Variants in ADAMTSL3 observed in about 807,000 individuals in gnomAD.
ADAMTSL3 encodes ADAMTS like 3.
Under a neutral mutation model 201.7 loss-of-function variants are expected in ADAMTSL3, and 128 were observed. The ratio of observed to expected loss-of-function variants is 0.63; its 90% CI spans 0.55 to 0.73. ADAMTSL3 has a LOEUF of 0.73. Among genes scored for constraint, ADAMTSL3 ranks in the 30% least tolerant of loss-of-function variants. The probability of loss-of-function intolerance (pLI) is 0.00; values close to 1 mark genes in which losing one functional copy is unlikely to be tolerated. For synonymous variants in ADAMTSL3, 738 were observed against 748.4 expected (o/e 0.99, Z 0.23); for missense variants, 1,990 against 2,119.6 (o/e 0.94, Z 1.20).
intron 15 of ADAMTSL3, among the ~76,000 whole-genome samples, chr15:83,905,256 G>A (rs2065810110): frequency 6.6e-6 from 1 of 152,240 alleles, no homozygotes; most frequent in Non-Finnish European, 1.5e-5. Flanking sequence ...TGATGGTATT[G>A]TAAGGTTGCA....
chr15:83,727,149 AT>A (rs71156094), intron 3 of ADAMTSL3, among the ~76,000 whole-genome samples: 8 of 149,992 alleles, frequency 5.3e-5, no homozygotes, highest in Admixed American at 2.7e-4. Flanking sequence ...GAATTTATCC[AT>A]TTTTTTTTCT....
chr15:83,801,692 A>G lies in ADAMTSL3; in HGVS notation c.318-2958A>G, dbSNP rs981700291. Reference sequence around the variant, plus strand: ...TATATATATATATATATATATATATATATGTATGTATGAGGAAATCATAGA... The same window carrying G: ...TATATATATATATATATATATATATGTATGTATGTATGAGGAAATCATAGA... On this transcript the variant is annotated intron_variant, in intron 4 of 29. Coordinates refer to ENST00000286744, the MANE Select transcript of ADAMTSL3 (RefSeq NM_207517.3). Among the ~76,000 whole-genome samples the G allele has an allele frequency of 4.4e-3, 382 of 86,074 alleles. 2 individuals are homozygous for G. The highest frequency in any genetic ancestry group is 9.3e-3 in the African/African-American group (225 of 24,072). 56.5% of individuals were successfully genotyped at this position (86,074 alleles called of 152,430 possible).
Position 83,943,078 on chromosome 15 carries a change from C to A in ADAMTSL3, c.2486C>A (p.Ser829Ter). The A allele has an allele frequency of 2.5e-6, 4 of 1,608,462 alleles. No individual in the cohort carries two copies. In the South Asian group the frequency reaches 4.4e-5, roughly 18 times the overall value. ...CPPHLAVGDWSKCSVSCGVGI... is the reference protein window; with the variant it reads ...CPPHLAVGDW ...CCACATTTAGCTGTGGGAGACTGGTCGAAGGTAAGGGCCAGGCTCAACTTT... is the reference window on the plus strand; with the variant it reads ...CCACATTTAGCTGTGGGAGACTGGTAGAAGGTAAGGGCCAGGCTCAACTTT... The change falls in exon 19 of 30, where the codon TCG becomes TAG. Residue 829 changes from serine (S) to a stop codon, truncating the protein, a stop_gained. Coordinates refer to ENST00000286744, the MANE Select transcript of ADAMTSL3 (RefSeq NM_207517.3). LOFTEE classifies it high-confidence loss of function.
chr15:83,758,150 A>T (rs1345902406), intron 3 of ADAMTSL3, among the ~76,000 whole-genome samples: 3 of 152,168 alleles, frequency 2.0e-5, no homozygotes, highest in Non-Finnish European at 4.4e-5. Context: ...CCACTCTACC[A>T]GTACCAATTT....
intron 20 of ADAMTSL3, among the ~76,000 whole-genome samples, chr15:83,972,911 T>C (rs1596483554): frequency 6.6e-6 from 1 of 152,118 alleles, no homozygotes. Flanking sequence ...AGAGATGAGG[T>C]TGGCATTCTC....
At chr15:83,766,922 C>G (rs187240381) in intron 3 of ADAMTSL3, among the ~76,000 whole-genome samples, 1 of 152,240 alleles carries the variant, frequency 6.6e-6, no homozygotes, top group East Asian at 1.9e-4. Flanking sequence ...TGGTGAAACC[C>G]TGTCTCTACG....
In ADAMTSL3 at chr15:83,818,995, G is replaced by A. The variant is rs1314566533; in HGVS notation, c.364-816G>A. Among the ~76,000 whole-genome samples the A allele has an allele frequency of 2.6e-5, 4 of 152,196 alleles. 1 individual carries two copies. The highest frequency in any genetic ancestry group is 1.3e-4 in the Admixed American group (2 of 15,284). ...GATGAATTAAAAACAACGACAGGCC[G>A]GGCACTGTGGCTCACGCCTTTAATC... is the stretch of plus-strand genomic sequence containing the variant. On this transcript the variant is annotated intron_variant, in intron 5 of 29. Transcript: ENST00000286744.
At chr15:84,031,927 A>T (rs1228328100) in intron 28 of ADAMTSL3, among the ~76,000 whole-genome samples, 2 of 152,172 alleles carry the variant, frequency 1.3e-5, no homozygotes, top group African/African-American at 4.8e-5. Flanking sequence ...TCCTCCTTTT[A>T]TAAAAGTCTG....
At chr15:83,907,332 C>T (rs1368352571) in intron 15 of ADAMTSL3, among the ~76,000 whole-genome samples, 1 of 152,078 alleles carries the variant, frequency 6.6e-6, no homozygotes, top group East Asian at 1.9e-4. Flanking sequence ...TCATAAACAT[C>T]TAGAATGGTG....
At chr15:83,678,120 A>G (rs2061430728) in intron 2 of ADAMTSL3, among the ~76,000 whole-genome samples, 2 of 152,040 alleles carry the variant, frequency 1.3e-5, no homozygotes, top group Admixed American at 1.3e-4. Context: ...TCCTCAATAT[A>G]GTTTGAGCAC....
chr15:83,952,233 A>ATTGT (rs1481176755), intron 19 of ADAMTSL3, among the ~76,000 whole-genome samples: 32 of 152,214 alleles, frequency 2.1e-4, no homozygotes, highest in Admixed American at 4.6e-4. Context: ...TCAGGAGCAT[A>ATTGT]TTGTTTAAAT....
chr15:83,668,954 A>T (rs2141381225), intron 2 of ADAMTSL3, among the ~76,000 whole-genome samples: 1 of 152,258 alleles, frequency 6.6e-6, no homozygotes, highest in Middle Eastern at 3.4e-3. Flanking sequence ...TGCTTATGTC[A>T]TTTCTGCTAA....
chr15:83,896,728 A>G (rs7162148), intron 13 of ADAMTSL3, among the ~76,000 whole-genome samples: 5,539 of 152,020 alleles, frequency 0.036, 323 homozygotes, highest in African/African-American at 0.13. Context: ...ACATATATAC[A>G]CTCCCCAACA....
intron 15 of ADAMTSL3, among the ~76,000 whole-genome samples, chr15:83,903,917 C>CAAAAAA (rs1168502648): frequency 0.031 from 593 of 19,280 alleles, no homozygotes; most frequent in Non-Finnish European, 0.038. Context: ...GACTCCACAT[C>CAAAAAA]AAAAAAAAAA....
intron 2 of ADAMTSL3, 123 bp downstream of exon 2, chr15:83,655,953 T>G: frequency 9.8e-7 from 1 of 1,024,898 alleles, no homozygotes; most frequent in Non-Finnish European, 1.4e-6. Context: ...GAACCAGACT[T>G]TCTTTCCTAT....
Position 83,961,282 on chromosome 15 carries a change from A to G in ADAMTSL3, c.2491-9202A>G, listed in dbSNP as rs554545301. On this transcript the variant is annotated intron_variant, in intron 19 of 29. Coordinates refer to ENST00000286744, the MANE Select transcript of ADAMTSL3 (RefSeq NM_207517.3). ...ATATAAAATTATATGGAAAAGAACA[A>G]AGATGTAAAATTGGTTTTTAGTGGC... Among the ~76,000 whole-genome samples, 12 of 152,320 alleles carry G rather than the reference A, an allele frequency of 7.9e-5. No individual in the cohort carries two copies. In the South Asian group the frequency reaches 1.7e-3, roughly 21 times the overall value.
chr15:83,988,815 G>A lies in ADAMTSL3; in HGVS notation c.3841G>A (p.Ala1281Thr), dbSNP rs747746139. 6.6e-7 allele frequency: 1 copy of A among 1,526,516 alleles called. No homozygotes were observed. The highest frequency in any genetic ancestry group is 1.8e-5 in the Admixed American group (1 of 56,634). The allele number at this position is 1,526,516 out of a possible 1,614,324, so 94.6% of individuals were successfully genotyped here. The stretch of plus-strand genomic sequence containing the variant: ...TGTGGAAAGTTCTTCTGTGCTGTAT[G>A]CAGGTAATGCCCACTGTTGAAATCT... ...SDVESSSVLY[A>T]EAPVILSVER... The change falls in exon 22 of 30, where the codon GCA becomes ACA. Residue 1281 changes from alanine to threonine, a missense_variant. By Grantham distance (58) the Ala-to-Thr change is moderately conservative (BLOSUM62 0). Coordinates refer to ENST00000286744, the MANE Select transcript of ADAMTSL3 (RefSeq NM_207517.3).
intron 19 of ADAMTSL3, among the ~76,000 whole-genome samples, chr15:83,950,585 G>A (rs747922438): frequency 2.6e-5 from 4 of 151,894 alleles, no homozygotes; most frequent in Non-Finnish European, 5.9e-5. Context: ...TCTGTAGATC[G>A]CTTTGGGTAG....
intron 19 of ADAMTSL3, among the ~76,000 whole-genome samples, chr15:83,952,956 T>C (rs1191413689): frequency 1.3e-5 from 2 of 152,238 alleles, no homozygotes; most frequent in African/African-American, 4.8e-5. Flanking sequence ...CTGCTGTTTT[T>C]GGGGTTCCGT....
Sources: allele counts gnomAD v4.1 joint callset (sites outside exome capture counted in the v4.1 genomes callset), GRCh38; gene constraint gnomAD v4.1.1; transcripts MANE v1.5; gene names NCBI Gene and HGNC (gene_info 2026-07-23, HGNC 2026-07-21).